NDUFA5: variants seen among roughly 807,000 people sequenced by gnomAD.
The protein encoded by NDUFA5 is NADH:ubiquinone oxidoreductase subunit A5.
Under a neutral mutation model 19.8 loss-of-function variants are expected in NDUFA5, and 11 were observed. That is an observed-to-expected ratio of 0.56 (90% CI 0.35 to 0.92). NDUFA5 has a LOEUF of 0.92. Among genes scored for constraint, NDUFA5 ranks in the 40% least tolerant of loss-of-function variants. NDUFA5 has a pLI of 0.01. For synonymous variants in NDUFA5, 47 were observed against 46.8 expected, an observed-to-expected ratio of 1.00 and a Z score of -0.01; for missense variants, 109 against 134.2, an observed-to-expected ratio of 0.81 and a Z score of 0.93.
the NDUFA5 span, among the ~76,000 whole-genome samples, chr7:123,567,879 C>G: frequency 6.6e-6 from 1 of 151,930 alleles, no homozygotes; most frequent in East Asian, 1.9e-4. Context: ...ATTCAAATTC[C>G]AATCACTTGG....
chr7:123,554,276 C>T (rs747247225), intron 2 of NDUFA5, among the ~76,000 whole-genome samples: 1 of 152,022 alleles, frequency 6.6e-6, no homozygotes, highest in Non-Finnish European at 1.5e-5. Context: ...TTAAATTTTA[C>T]CTTTTTCTTC....
chr7:123,593,113 C>T, the NDUFA5 span, among the ~76,000 whole-genome samples: 2,351 of 151,426 alleles, frequency 0.016, 24 homozygotes, highest in Non-Finnish European at 0.023. Context: ...TTTTTACTTT[C>T]CATTTGTTTG....
the NDUFA5 span, among the ~76,000 whole-genome samples, chr7:123,599,501 T>G: frequency 3.9e-5 from 6 of 152,202 alleles, no homozygotes; most frequent in Non-Finnish European, 7.3e-5. Flanking sequence ...AGTGCCACAC[T>G]CTTTTTCAGG....
the NDUFA5 span, among the ~76,000 whole-genome samples, chr7:123,564,187 T>G: frequency 6.6e-6 from 1 of 152,236 alleles, no homozygotes; most frequent in East Asian, 1.9e-4. Flanking sequence ...CTCCCTACTT[T>G]GACTTTTGCC....
chr7:123,556,038 G>C (rs1798525566), intron 2 of NDUFA5: 1 of 152,250 alleles, frequency 6.6e-6, no homozygotes, highest in South Asian at 2.1e-4. Flanking sequence ...AGAGGAGGTA[G>C]TGAGATGTTG....
chr7:123,551,150 T>A (rs544530272), intron 2 of NDUFA5, among the ~76,000 whole-genome samples: 63 of 152,162 alleles, frequency 4.1e-4, no homozygotes, highest in African/African-American at 1.4e-3. Context: ...ACAAAACAAC[T>A]TATTGCTAAT....
At chr7:123,584,577 T>A in the NDUFA5 span, among the ~76,000 whole-genome samples, 1 of 151,932 alleles carries the variant, frequency 6.6e-6, no homozygotes, top group Non-Finnish European at 1.5e-5. Flanking sequence ...TATAAGGTTT[T>A]CAACCACTCA....
At chr7:123,573,564 TC>T in the NDUFA5 span, among the ~76,000 whole-genome samples, 1 of 151,946 alleles carries the variant, frequency 6.6e-6, no homozygotes, top group Non-Finnish European at 1.5e-5. Context: ...CTAGCCTCCC[TC>T]CCCCTGCCAT....
chr7:123,573,345 G>C, the NDUFA5 span, among the ~76,000 whole-genome samples: 1 of 135,890 alleles, frequency 7.4e-6, no homozygotes, highest in Non-Finnish European at 1.5e-5. Flanking sequence ...AATGCTCATC[G>C]TAAGTGGAAT....
the NDUFA5 span, among the ~76,000 whole-genome samples, chr7:123,595,150 C>T: frequency 3.3e-5 from 5 of 152,170 alleles, no homozygotes; most frequent in African/African-American, 4.8e-5. Flanking sequence ...TCCTAAATGA[C>T]ACTTGCCCTA....
the NDUFA5 span, among the ~76,000 whole-genome samples, chr7:123,597,751 T>C: frequency 2.0e-5 from 3 of 151,940 alleles, no homozygotes; most frequent in Non-Finnish European, 2.9e-5. Flanking sequence ...GAATTGCTTG[T>C]ACACAGGAGG....
the NDUFA5 span, among the ~76,000 whole-genome samples, chr7:123,593,570 CTT>C: frequency 6.6e-6 from 1 of 151,400 alleles, no homozygotes. Context: ...GTTGAAAATT[CTT>C]TTTTTTTCTT....
chr7:123,589,096 C>T, the NDUFA5 span, among the ~76,000 whole-genome samples: 1 of 151,648 alleles, frequency 6.6e-6, no homozygotes, highest in Non-Finnish European at 1.5e-5. Context: ...TATTTCCTTG[C>T]TGGTTTTCCT....
the NDUFA5 span, among the ~76,000 whole-genome samples, chr7:123,566,678 G>A: frequency 6.6e-6 from 1 of 152,020 alleles, no homozygotes; most frequent in Admixed American, 6.6e-5. Flanking sequence ...ACATGTGCAT[G>A]TATATATATA....
the NDUFA5 span, among the ~76,000 whole-genome samples, chr7:123,570,343 GCT>G: frequency 6.6e-6 from 1 of 151,962 alleles, no homozygotes; most frequent in East Asian, 1.9e-4. Flanking sequence ...GCCTGCCATA[GCT>G]CTTATAAGTG....
At chr7:123,574,469 A>G in the NDUFA5 span, among the ~76,000 whole-genome samples, 4 of 152,192 alleles carry the variant, frequency 2.6e-5, no homozygotes, top group African/African-American at 4.8e-5. Context: ...TAGGACCTGA[A>G]TATGAATTTC....
chr7:123,571,835 A>T, the NDUFA5 span, among the ~76,000 whole-genome samples: 2 of 151,744 alleles, frequency 1.3e-5, no homozygotes, highest in Admixed American at 1.3e-4. Context: ...CATGATCATG[A>T]CTCACTGTAG....
the NDUFA5 span, among the ~76,000 whole-genome samples, chr7:123,595,185 A>G: frequency 6.6e-6 from 1 of 152,194 alleles, no homozygotes. Context: ...CTGTTTAAAA[A>G]TAAGCCAGAT....
chr7:123,596,175 A>C, the NDUFA5 span, among the ~76,000 whole-genome samples: 1 of 152,166 alleles, frequency 6.6e-6, no homozygotes, highest in African/African-American at 2.4e-5. Flanking sequence ...TATTGGAAAA[A>C]AAAATTGGGG....
Sources: allele counts gnomAD v4.1 joint callset (sites outside exome capture counted in the v4.1 genomes callset), GRCh38; gene constraint gnomAD v4.1.1; transcripts MANE v1.5; gene names NCBI Gene and HGNC (gene_info 2026-07-23, HGNC 2026-07-21).